The following MAGI2 variants were observed in gnomAD, a reference collection of about 807,000 sequenced individuals.
MAGI2 encodes the protein membrane associated guanylate kinase, WW and PDZ domain containing 2.
Under a neutral mutation model 133.3 loss-of-function variants are expected in MAGI2, and 35 were observed. That is an observed-to-expected ratio of 0.26 (90% confidence interval 0.20 to 0.35). The LOEUF is 0.35. Among genes scored for constraint, MAGI2 ranks in the 10% least tolerant of loss-of-function variants. The pLI, the probability that MAGI2 is intolerant of heterozygous loss-of-function variation, is 1.00. For synonymous variants in MAGI2, 729 were observed against 710.6 expected, an observed-to-expected ratio of 1.03 and a Z score of -0.41; for missense variants, 1,636 against 1,863.4, an observed-to-expected ratio of 0.88 and a Z score of 2.25.
At chr7:78,804,736 G>A (rs37879) in intron 2 of MAGI2, among the ~76,000 whole-genome samples, 116,116 of 138,664 alleles carry the variant, frequency 0.84, 48,408 homozygotes, top group East Asian at 0.96. Context: ...GCAACAGAGC[G>A]AGACTCTGTC....
At chr7:79,057,960 G>GTAT (rs1554345665) in intron 1 of MAGI2, among the ~76,000 whole-genome samples, 2 of 145,834 alleles carry the variant, frequency 1.4e-5, no homozygotes, top group African/African-American at 5.0e-5. Flanking sequence ...GGCTCTATTA[G>GTAT]TTTTTTTTTT....
intron 1 of MAGI2, among the ~76,000 whole-genome samples, chr7:79,395,297 T>C (rs1288588673): frequency 3.9e-5 from 6 of 152,142 alleles, no homozygotes; most frequent in African/African-American, 9.7e-5. Flanking sequence ...AAAATTGTAG[T>C]TGTGAGAAAT....
Position 78,501,805 on chromosome 7 carries a change from CACGTGGT to C in MAGI2, c.755-25_755-19del. ...ACTGGATTCTATAAGAGAACAAGAG[CACGTGGT>C]TAGTCACTCCAACCATGGTAACTCT... On this transcript the variant is annotated intron_variant, in intron 4 of 21. Coordinates refer to ENST00000354212, the MANE Select transcript of MAGI2 (RefSeq NM_012301.4). 6.2e-7 allele frequency: 1 copy of C among 1,601,340 alleles called. No homozygotes were observed. Among genetic ancestry groups the C allele is most frequent in the South Asian group, 1.1e-5 (1 of 90,688 alleles).
chr7:78,557,024 G>A (rs955801192), intron 3 of MAGI2, among the ~76,000 whole-genome samples: 4 of 144,508 alleles, frequency 2.8e-5, no homozygotes, highest in African/African-American at 5.3e-5. Flanking sequence ...CGGGCAGATG[G>A]AGCTTGCAGT....
intron 6 of MAGI2, among the ~76,000 whole-genome samples, chr7:78,455,200 T>C (rs557074241): frequency 5.4e-4 from 82 of 152,292 alleles, no homozygotes; most frequent in African/African-American, 1.9e-3. Flanking sequence ...CTCTCTGCAC[T>C]TTCTGTTCAA....
At chr7:79,171,739 CAAAA>C (rs1331571986) in intron 1 of MAGI2, among the ~76,000 whole-genome samples, 1 of 34,152 alleles carries the variant, frequency 2.9e-5, no homozygotes. Context: ...AGACAATAGC[CAAAA>C]ATATATATAT....
chr7:78,065,359 G>A (rs1563073784), intron 21 of MAGI2, among the ~76,000 whole-genome samples: 1 of 152,118 alleles, frequency 6.6e-6, no homozygotes, highest in Non-Finnish European at 1.5e-5. Flanking sequence ...GTCATTCTAG[G>A]CTGGCCCCTG....
chr7:78,696,038 T>G (rs2151135183), intron 2 of MAGI2, among the ~76,000 whole-genome samples: 1 of 152,250 alleles, frequency 6.6e-6, no homozygotes, highest in Middle Eastern at 3.4e-3. Flanking sequence ...TGGGCTCAAG[T>G]GATTCTCCCA....
At chr7:78,534,477 G>A (rs1563135075) in intron 3 of MAGI2, among the ~76,000 whole-genome samples, 2 of 152,202 alleles carry the variant, frequency 1.3e-5, no homozygotes, top group South Asian at 2.1e-4. Context: ...ATATATATGT[G>A]TGTGTGCGTG....
chr7:78,308,373 G>A (rs1584812847), intron 9 of MAGI2, among the ~76,000 whole-genome samples: 1 of 152,250 alleles, frequency 6.6e-6, no homozygotes, highest in East Asian at 1.9e-4. Flanking sequence ...TTAGTCATTC[G>A]GAGTGGGGTA....
rs192113604 is a variant in MAGI2, at chr7:79,256,787, C to T, written c.301+196233G>A. Reference sequence around the variant, plus strand: ...ATTACAGGCATGAGCCACCACGCCCCGCAAAAATATCTTTAAAATTTATAT... The same window carrying T: ...ATTACAGGCATGAGCCACCACGCCCTGCAAAAATATCTTTAAAATTTATAT... On this transcript the variant is annotated intron_variant, in intron 1 of 21. Coordinates refer to ENST00000354212, the MANE Select transcript of MAGI2 (RefSeq NM_012301.4). Among the ~76,000 whole-genome samples the T allele has an allele frequency of 3.8e-4, 57 of 151,902 alleles. 1 individual carries two copies. The highest frequency in any genetic ancestry group is 1.2e-3 in the African/African-American group (51 of 41,488).
chr7:79,332,108 CT>C (rs1328816246), intron 1 of MAGI2, among the ~76,000 whole-genome samples: 2 of 152,128 alleles, frequency 1.3e-5, no homozygotes, highest in East Asian at 3.9e-4. Flanking sequence ...TAGTTAGGTA[CT>C]ATTAACATTC....
At chr7:79,106,658 G>C (rs1038075807) in intron 1 of MAGI2, among the ~76,000 whole-genome samples, 4 of 152,078 alleles carry the variant, frequency 2.6e-5, no homozygotes, top group African/African-American at 9.7e-5. Flanking sequence ...ATATAGATGT[G>C]AGCACAGGAA....
chr7:79,422,177 T>A (rs543872188), intron 1 of MAGI2, among the ~76,000 whole-genome samples: 101 of 152,192 alleles, frequency 6.6e-4, no homozygotes, highest in Non-Finnish European at 1.3e-3. Flanking sequence ...AAATTCTACA[T>A]GACCTTTTAG....
intron 2 of MAGI2, among the ~76,000 whole-genome samples, chr7:78,840,061 C>G (rs1791990978): frequency 1.3e-5 from 2 of 151,890 alleles, no homozygotes; most frequent in Admixed American, 6.6e-5. Flanking sequence ...TTAGTAATTT[C>G]AAGTAGTAAT....
At chr7:78,393,894 G>A (rs547683353) in intron 6 of MAGI2, among the ~76,000 whole-genome samples, 5 of 152,144 alleles carry the variant, frequency 3.3e-5, no homozygotes, top group Admixed American at 6.5e-5. Flanking sequence ...ACATTTCTTC[G>A]GAGGATAAAC....
chr7:78,727,250 T>C (rs1026630805), intron 2 of MAGI2, among the ~76,000 whole-genome samples: 1 of 152,136 alleles, frequency 6.6e-6, no homozygotes, highest in Non-Finnish European at 1.5e-5. Context: ...ATATTTTGTG[T>C]GGTATGGAAG....
In MAGI2 at chr7:79,287,565, C is replaced by CT. The variant is rs796114253; in HGVS notation, c.301+165454dup. On this transcript the variant is annotated intron_variant, in intron 1 of 21. Transcript: ENST00000354212. ...GGATAGATTTGAATTTGAATATCAA[C>CT]TTTTTTCTGAGTAGCTGTGTGTACT... 4.6e-5 allele frequency among the ~76,000 whole-genome samples: 7 copies of CT among 152,172 alleles called. No individual in the cohort carries two copies. The South Asian group carries it at 8.3e-4, about 18-fold the overall frequency.
chr7:78,237,240 T>G (rs1790647981), intron 10 of MAGI2, among the ~76,000 whole-genome samples: 1 of 152,162 alleles, frequency 6.6e-6, no homozygotes, highest in Admixed American at 6.6e-5. Context: ...ATCCAAATAC[T>G]TAAGTGATAT....
Sources: gnomAD v4.1 joint callset for allele counts (sites outside exome capture counted in the v4.1 genomes callset) on GRCh38, gnomAD v4.1.1 for gene constraint, MANE v1.5 for transcripts, NCBI Gene and HGNC (gene_info 2026-07-23, HGNC 2026-07-21) for gene names.